Variants in METTL23 observed in about 807,000 individuals in gnomAD.
METTL23 encodes methyltransferase 23, arginine.
In METTL23, 24 loss-of-function variants were observed where a neutral mutation model predicts 21.2. The observed-to-expected ratio is 1.13, with a 90% CI of 0.82 to 1.59. The LOEUF is 1.59. METTL23 is among the 40% of genes most tolerant of loss of function. METTL23 has a pLI of 0.00. For missense variants in METTL23, 276 were observed against 221.4 expected (o/e 1.25, Z -1.57); for synonymous variants, 97 against 75.2 (o/e 1.29, Z -1.50).
chr17:76,732,877 C>A, intron 2 of METTL23, 101 bp from the exon 3 acceptor site: 1 of 958,258 alleles, frequency 1.0e-6, no homozygotes. Context: ...TGACTCTATG[C>A]TTATTTAAAA....
chr17:76,733,249 A>G, intron 3 of METTL23, 34 bp downstream of exon 3: 1 of 1,612,772 alleles, frequency 6.2e-7, no homozygotes, highest in Non-Finnish European at 8.5e-7. Context: ...ACATTTGGCC[A>G]GTGATGCTAT....
Position 76,733,771 on chromosome 17 carries a change from A to T in METTL23, c.*85A>T, listed in dbSNP as rs894743672. 5 of 1,234,276 alleles carry T rather than the reference A, an allele frequency of 4.1e-6. No homozygotes were observed. The African/African-American group carries it at 7.5e-5, about 19-fold the overall frequency. 76.5% of individuals were successfully genotyped at this position (1,234,276 alleles called of 1,614,324 possible). On this transcript the variant is annotated 3_prime_UTR_variant, in exon 5 of 5. Transcript: ENST00000341249. Reference sequence around the variant, plus strand: ...ACTATGAGCAGACCACTTCAGCTTGAGAATGCAGTGGGTCTGAAGATGGTC... The same window carrying T: ...ACTATGAGCAGACCACTTCAGCTTGTGAATGCAGTGGGTCTGAAGATGGTC...
chr17:76,727,424 C>T (rs1353081960), intron 1 of METTL23: 1 of 250,616 alleles, frequency 4.0e-6, no homozygotes, highest in Non-Finnish European at 8.1e-6. Flanking sequence ...TGGTCTCGAA[C>T]TGTAAGCTTA....
In METTL23 at chr17:76,733,336, G is replaced by C. The variant is rs200067763; in HGVS notation, c.366G>C (p.Lys122Asn). Residue 122 changes from lysine to asparagine, a missense_variant, in exon 4 of 5, where the codon AAG (lysine) becomes AAC (asparagine). Lys to Asn is a moderately conservative substitution (Grantham distance 94). Coordinates refer to ENST00000341249, the MANE Select transcript of METTL23 (RefSeq NM_001080510.5). ...ILATIYFLMH[K>N]NPKVQLWSTY... is the part of the protein sequence containing the mutation. Reference sequence around the variant, plus strand: ...CTACAATATATTTTTTGATGCACAAGAATCCCAAGGTCCAATTGTGGTCTA... The same window carrying C: ...CTACAATATATTTTTTGATGCACAACAATCCCAAGGTCCAATTGTGGTCTA... The C allele has an allele frequency of 8.3e-5, 134 of 1,613,908 alleles. 2 individuals carry two copies. The East Asian group carries it at 2.6e-3, about 31-fold the overall frequency.
At chr17:76,730,443 A>G (rs1019929126) in intron 2 of METTL23, among the ~76,000 whole-genome samples, 12 of 152,144 alleles carry the variant, frequency 7.9e-5, no homozygotes, top group African/African-American at 2.7e-4. Flanking sequence ...TCTCTAAGAA[A>G]AAAGAAAAGT....
At chr17:76,731,517 GATTTGAACATATGA>G (rs1373033619) in intron 2 of METTL23, among the ~76,000 whole-genome samples, 1 of 152,130 alleles carries the variant, frequency 6.6e-6, no homozygotes, top group African/African-American at 2.4e-5. Flanking sequence ...GGGTAATTAG[GATTTGAACATATGA>G]ATTTTGGGTG....
Position 76,729,703 on chromosome 17 carries a change from A to G in METTL23, c.-8A>G. The G allele has an allele frequency of 6.3e-7, 1 of 1,587,648 alleles. No homozygotes were observed. Among genetic ancestry groups the G allele is most frequent in the African/African-American group, 1.3e-5 (1 of 74,682 alleles). On this transcript the variant is annotated 5_prime_UTR_variant, in exon 2 of 5. Transcript: ENST00000341249. Reference sequence around the variant, plus strand: ...CATTCTTTTCAGGTCCTGCATCTCCAGTATGGAATGTATGTTTGGCCCTGT... The same window carrying G: ...CATTCTTTTCAGGTCCTGCATCTCCGGTATGGAATGTATGTTTGGCCCTGT...
At position 76,733,181 on chromosome 17, in the gene METTL23, T is replaced by C. The variant is rs2077306258; in HGVS notation, c.288T>C (p.Ile96=). ...TTCTGGCTCTACCACCACAAGATAT[T>C]ATCCTTGCATCTGATGTGTTCTTTG... is the stretch of plus-strand genomic sequence containing the variant. ...WDLLALPPQD[I]ILASDVFFEP... Residue 96 remains isoleucine, a synonymous_variant, in exon 3 of 5, where the codon ATT becomes ATC. Coordinates refer to ENST00000341249, the MANE Select transcript of METTL23 (RefSeq NM_001080510.5). The C allele has an allele frequency of 6.2e-7, 1 of 1,613,948 alleles. No homozygotes were observed. Among genetic ancestry groups the C allele is most frequent in the Non-Finnish European group, 8.5e-7 (1 of 1,179,848 alleles).
At chr17:76,726,796 C>T, upstream of METTL23, 1 of 386,342 alleles carries the variant, frequency 2.6e-6, no homozygotes. Flanking sequence ...CACCGCCCCG[C>T]CCCGCCCCGC....
chr17:76,727,010 T>C lies in METTL23; in HGVS notation c.-190T>C. On this transcript the variant is annotated 5_prime_UTR_variant, in exon 1 of 5. Coordinates refer to ENST00000341249, the MANE Select transcript of METTL23 (RefSeq NM_001080510.5). ...GGCCCGCGGCTTCCCGCTCGCGCAG[T>C]CTGGCAGCCCGGAGCCTTCCGCGGT... 1 of 456,144 alleles carries C rather than the reference T, an allele frequency of 2.2e-6. No individual in the cohort carries two copies. The highest frequency in any genetic ancestry group is 4.4e-6 in the Non-Finnish European group (1 of 226,744). The allele number at this position is 456,144 out of a possible 1,614,324, so 28.3% of individuals were successfully genotyped here.
At chr17:76,726,741 A>C, upstream of METTL23, 3 of 471,374 alleles carry the variant, frequency 6.4e-6, no homozygotes, top group Non-Finnish European at 1.2e-5. Flanking sequence ...ACTCCTTCAC[A>C]TACGGCGGGC....
rs1421592306 is a variant in METTL23, at chr17:76,733,124, A to G, written c.231A>G (p.Val77=). Residue 77 remains valine (V), a synonymous_variant, in exon 3 of 5, where the codon GTA becomes GTG. Coordinates refer to ENST00000341249, the MANE Select transcript of METTL23 (RefSeq NM_001080510.5). The part of the protein sequence containing the change: ...QMNNLPHLQV[V]GLTWGHISWD... Reference sequence around the variant, plus strand: ...ATAACCTGCCACATCTGCAGGTGGTAGGACTAACATGGGGTCATATATCTT... The same window carrying G: ...ATAACCTGCCACATCTGCAGGTGGTGGGACTAACATGGGGTCATATATCTT... 1.9e-6 allele frequency: 3 copies of G among 1,613,658 alleles called. No homozygotes were observed. The highest frequency in any genetic ancestry group is 2.7e-5 in the African/African-American group (2 of 74,922).
intron 3 of METTL23, 22 bp downstream of exon 3, chr17:76,733,237 G>A: frequency 1.2e-6 from 2 of 1,611,956 alleles, no homozygotes; most frequent in Non-Finnish European, 1.7e-6. Context: ...TGGCTCAATA[G>A]TACATTTGGC....
rs1158051256 is a variant in METTL23 at position 76,733,362 on chromosome 17, C to T, written c.392C>T (p.Thr131Ile). The T allele has an allele frequency of 1.9e-6, 3 of 1,613,896 alleles. No homozygotes were observed. The highest frequency in any genetic ancestry group is 8.5e-7 in the Non-Finnish European group (1 of 1,179,860). The change falls in exon 4 of 5, where the codon ACT becomes ATT. Residue 131 changes from threonine to isoleucine, a missense_variant. Coordinates refer to ENST00000341249, the MANE Select transcript of METTL23 (RefSeq NM_001080510.5). The stretch of plus-strand genomic sequence containing the variant: ...AATCCCAAGGTCCAATTGTGGTCTA[C>T]TTATCAAGTTAGGAGGCAAGTATGG... Reference protein sequence around the residue: ...HKNPKVQLWSTYQVRSADWSL... With the variant: ...HKNPKVQLWSIYQVRSADWSL...
Position 76,729,801 on chromosome 17 carries a change from A to G in METTL23, c.84+7A>G. On this transcript the variant is annotated splice_region_variant and intron_variant, in intron 2 of 4. Transcript: ENST00000341249. ...AGGCAAGGCCATCTTAGAGGTACAA[A>G]TGCCCCTGAAGTTTCCAGAGTTCTA... 6.3e-7 allele frequency: 1 copy of G among 1,581,762 alleles called. No individual in the cohort carries two copies. Among genetic ancestry groups the G allele is most frequent in the Non-Finnish European group, 8.6e-7 (1 of 1,161,096 alleles).
upstream of METTL23, among the ~76,000 whole-genome samples, chr17:76,726,169 G>A (rs549299908): frequency 6.6e-6 from 1 of 152,370 alleles, no homozygotes; most frequent in South Asian, 2.1e-4. Flanking sequence ...CACAGCACGG[G>A]AGGAAGCAGA....
chr17:76,733,482 A>G (rs771828850), intron 4 of METTL23, 39 bp from the exon 5 acceptor site: 2 of 1,601,226 alleles, frequency 1.2e-6, no homozygotes, highest in Admixed American at 1.7e-5. Context: ...GCAAAACAGA[A>G]AAGGCATGAC....
intron 1 of METTL23, among the ~76,000 whole-genome samples, chr17:76,727,966 A>G (rs1378680954): frequency 2.6e-5 from 4 of 152,220 alleles, no homozygotes; most frequent in Non-Finnish European, 4.4e-5. Flanking sequence ...GGCATGTCCC[A>G]TGCTAAAGAA....
At chr17:76,726,188 G>T (rs1339858926), upstream of METTL23, among the ~76,000 whole-genome samples, 1 of 152,248 alleles carries the variant, frequency 6.6e-6, no homozygotes, top group Non-Finnish European at 1.5e-5. Context: ...GACCCGCCCC[G>T]GAATCCGCGC....
Sources: allele counts gnomAD v4.1 joint callset (sites outside exome capture counted in the v4.1 genomes callset), GRCh38; gene constraint gnomAD v4.1.1; transcripts MANE v1.5; gene names NCBI Gene and HGNC (gene_info 2026-07-23, HGNC 2026-07-21).